Variants in GABRG3 observed in about 807,000 individuals in gnomAD.
GABRG3 encodes the protein gamma-aminobutyric acid receptor subunit gamma-3.
In GABRG3, 25 loss-of-function variants were observed where a neutral mutation model predicts 48.8. The ratio of observed to expected loss-of-function variants is 0.51; its 90% CI spans 0.37 to 0.72. GABRG3 has a LOEUF of 0.72. Ranked by LOEUF, GABRG3 falls within the 30% of genes least tolerant of loss-of-function variation. The pLI, the probability that GABRG3 is intolerant of heterozygous loss-of-function variation, is 0.00. For missense variants in GABRG3, 394 were observed against 577.9 expected (o/e 0.68, Z 3.26); for synonymous variants, 227 against 217.6 (o/e 1.04, Z -0.38).
chr15:27,468,666 A>G (rs1050116469), intron 5 of GABRG3, among the ~76,000 whole-genome samples: 5 of 152,176 alleles, frequency 3.3e-5, no homozygotes, highest in African/African-American at 1.2e-4. Flanking sequence ...ATTATGTCTC[A>G]GTATCACAGG....
intron 7 of GABRG3, among the ~76,000 whole-genome samples, chr15:27,525,207 G>T (rs535612576): frequency 2.6e-5 from 4 of 151,654 alleles, no homozygotes; most frequent in Admixed American, 2.6e-4. Context: ...ATATCAAAAT[G>T]TGTTATTTTA....
intron 6 of GABRG3, among the ~76,000 whole-genome samples, chr15:27,499,243 T>C (rs2150852955): frequency 6.6e-6 from 1 of 152,344 alleles, no homozygotes; most frequent in South Asian, 2.1e-4. Context: ...ATGAAGTGGT[T>C]CTTTGTTCTT....
At chr15:26,972,831 T>G (rs1440427325) in intron 1 of GABRG3, among the ~76,000 whole-genome samples, 1 of 152,192 alleles carries the variant, frequency 6.6e-6, no homozygotes, top group East Asian at 1.9e-4. Flanking sequence ...CCCTTGCAAC[T>G]GCTCCTCTTT....
At chr15:27,275,184 G>A (rs1465937919) in intron 3 of GABRG3, among the ~76,000 whole-genome samples, 1 of 152,164 alleles carries the variant, frequency 6.6e-6, no homozygotes, top group African/African-American at 2.4e-5. Context: ...CCATGCATGT[G>A]ACAGTCTCAA....
At chr15:27,487,523 G>C (rs980199581) in intron 6 of GABRG3, among the ~76,000 whole-genome samples, 1 of 152,120 alleles carries the variant, frequency 6.6e-6, no homozygotes, top group Admixed American at 6.5e-5. Flanking sequence ...TCATTCTGAG[G>C]CCAGTGGCTT....
At chr15:27,214,615 A>T (rs117708632) in intron 3 of GABRG3, among the ~76,000 whole-genome samples, 1 of 152,186 alleles carries the variant, frequency 6.6e-6, no homozygotes, top group Non-Finnish European at 1.5e-5. Context: ...CAGGTTCCTC[A>T]TCTTCTTAAC....
intron 3 of GABRG3, among the ~76,000 whole-genome samples, chr15:27,313,538 T>C (rs998433292): frequency 1.3e-5 from 2 of 151,378 alleles, no homozygotes; most frequent in Non-Finnish European, 2.9e-5. Context: ...ATCTACATTC[T>C]TCTCAAGTGC....
At chr15:27,365,779 A>G (rs1895176338) in intron 5 of GABRG3, 1 of 152,248 alleles carries the variant, frequency 6.6e-6, no homozygotes, top group Non-Finnish European at 1.5e-5. Flanking sequence ...AAAGAACCAG[A>G]GTACAAAGTC....
intron 3 of GABRG3, among the ~76,000 whole-genome samples, chr15:27,324,983 T>C (rs530480384): frequency 6.6e-6 from 1 of 152,324 alleles, no homozygotes; most frequent in East Asian, 1.9e-4. Flanking sequence ...TGATTATTTC[T>C]GCCAGGTTGT....
At chr15:27,010,466 T>C (rs1191435329) in intron 2 of GABRG3, among the ~76,000 whole-genome samples, 1 of 152,158 alleles carries the variant, frequency 6.6e-6, no homozygotes, top group African/African-American at 2.4e-5. Context: ...GTCAAAACAA[T>C]AGCCCCAGGC....
intron 4 of GABRG3, among the ~76,000 whole-genome samples, chr15:27,328,244 A>G (rs546947907): frequency 1.1e-4 from 16 of 151,596 alleles, no homozygotes; most frequent in Admixed American, 9.8e-4. Flanking sequence ...AGACTCTGAC[A>G]TGACACGGAA....
chr15:27,316,261 G>A (rs923859145), intron 3 of GABRG3, among the ~76,000 whole-genome samples: 2 of 151,012 alleles, frequency 1.3e-5, no homozygotes, highest in African/African-American at 4.9e-5. Context: ...AGTGGCGGGC[G>A]CCTGTAGTCC....
At chr15:27,339,160 C>G (rs1378699248) in intron 5 of GABRG3, among the ~76,000 whole-genome samples, 4 of 152,234 alleles carry the variant, frequency 2.6e-5, no homozygotes, top group African/African-American at 9.6e-5. Context: ...AAGGTGTCCA[C>G]AGAGGCCCCG....
intron 5 of GABRG3, among the ~76,000 whole-genome samples, chr15:27,467,917 C>A (rs548069826): frequency 6.6e-6 from 1 of 152,328 alleles, no homozygotes; most frequent in East Asian, 1.9e-4. Context: ...ATAAGTTTTA[C>A]ATTGGGCACC....
At chr15:27,243,413 A>G (rs1000933357) in intron 3 of GABRG3, among the ~76,000 whole-genome samples, 3 of 152,150 alleles carry the variant, frequency 2.0e-5, no homozygotes, top group Non-Finnish European at 4.4e-5. Flanking sequence ...AAGAAGGCAT[A>G]TCTTCAGGCA....
chr15:27,362,835 A>G (rs1301523839), intron 5 of GABRG3: 1 of 152,186 alleles, frequency 6.6e-6, no homozygotes, highest in Non-Finnish European at 1.5e-5. Flanking sequence ...TCAAGGGAGC[A>G]TCTCTCCAAA....
At chr15:27,170,314 A>C (rs903044028) in intron 3 of GABRG3, among the ~76,000 whole-genome samples, 13 of 152,230 alleles carry the variant, frequency 8.5e-5, no homozygotes, top group Non-Finnish European at 1.9e-4. Flanking sequence ...GTTGTAAATC[A>C]CATAGACCAT....
At chr15:27,502,256 A>G (rs1322889589) in intron 6 of GABRG3, among the ~76,000 whole-genome samples, 4 of 152,196 alleles carry the variant, frequency 2.6e-5, no homozygotes, top group Non-Finnish European at 5.9e-5. Context: ...TGTAGCTTAT[A>G]TTTTGATTTA....
In GABRG3 at chr15:26,976,827, C is replaced by T. The variant is rs1007076773; in HGVS notation, c.54-175C>T. 1.3e-5 allele frequency among the ~76,000 whole-genome samples: 2 copies of T among 152,070 alleles called. No individual in the cohort carries two copies. The highest frequency in any genetic ancestry group is 1.9e-4 in the East Asian group (1 of 5,194). On this transcript the variant is annotated intron_variant, in intron 1 of 9. Transcript: ENST00000615808. This position sits in a 1 kb window ranked among gnomAD's most constrained non-coding sequence, Gnocchi z 7.8. ...GTAGCATTCTTCCTATGGAATCATT[C>T]GTATTTTGTGTTTCTTTCTTTTTAG... is the stretch of plus-strand genomic sequence containing the variant.
Sources: allele counts gnomAD v4.1 joint callset (sites outside exome capture counted in the v4.1 genomes callset), GRCh38; gene constraint gnomAD v4.1.1; non-coding constraint Gnocchi (gnomAD v3.1); transcripts MANE v1.5; gene names NCBI Gene and HGNC (gene_info 2026-07-23, HGNC 2026-07-21).